The following ZFAND3 variants were observed in gnomAD, a reference collection of about 807,000 sequenced individuals.
ZFAND3 encodes the protein zinc finger AN1-type containing 3, also known as AN1-type zinc finger protein 3.
Under a neutral mutation model 29.6 loss-of-function variants are expected in ZFAND3, and 10 were observed. The observed-to-expected ratio is 0.34, with a 90% CI of 0.21 to 0.57. The LOEUF (loss-of-function observed/expected upper bound fraction) is 0.57. Ranked by LOEUF, ZFAND3 falls within the 20% of genes least tolerant of loss-of-function variation. ZFAND3 has a pLI of 0.86. For synonymous variants in ZFAND3, 128 were observed against 112.6 expected (o/e 1.14, Z -0.87); for missense variants, 230 against 304.5 (o/e 0.76, Z 1.82).
At chr6:37,967,763 A>G (rs1040260203) in intron 2 of ZFAND3, among the ~76,000 whole-genome samples, 2 of 152,204 alleles carry the variant, frequency 1.3e-5, no homozygotes, top group African/African-American at 4.8e-5. Flanking sequence ...CTTCTCTTGT[A>G]TGTTGCCAAC....
At chr6:37,965,182 A>G (rs1418770287) in intron 2 of ZFAND3, among the ~76,000 whole-genome samples, 1 of 152,194 alleles carries the variant, frequency 6.6e-6, no homozygotes, top group Non-Finnish European at 1.5e-5. Context: ...ATATTCAGCA[A>G]ACTTATTCTG....
intron 4 of ZFAND3, among the ~76,000 whole-genome samples, chr6:38,097,754 T>C (rs970811830): frequency 2.6e-5 from 4 of 152,160 alleles, no homozygotes; most frequent in Admixed American, 6.5e-5. Flanking sequence ...CCTGACAATC[T>C]TGAATGAAAT....
rs1365579380 is a variant in ZFAND3 at position 38,082,458 on chromosome 6, G to A, written c.361+1G>A. On this transcript the variant is annotated splice_donor_variant, in intron 4 of 5. Coordinates refer to ENST00000287218, the MANE Select transcript of ZFAND3 (RefSeq NM_021943.3). LOFTEE classifies it high-confidence loss of function. ...CCAACAAAAAGATCCTGTGGTACAG[G>A]TATGTACGTCATTCTTATGTGAATT... The A allele has an allele frequency of 3.1e-6, 5 of 1,610,798 alleles. No individual in the cohort carries two copies. The African/African-American group carries it at 6.7e-5, about 22-fold the overall frequency.
intron 2 of ZFAND3, among the ~76,000 whole-genome samples, chr6:38,047,104 G>T (rs1763918392): frequency 6.6e-6 from 1 of 152,026 alleles, no homozygotes; most frequent in Non-Finnish European, 1.5e-5. Context: ...ATCACTTGAG[G>T]TCAGGAGTTC....
intron 1 of ZFAND3, among the ~76,000 whole-genome samples, chr6:37,878,396 G>A (rs927992292): frequency 7.2e-5 from 11 of 152,226 alleles, no homozygotes; most frequent in African/African-American, 2.7e-4. Flanking sequence ...CTGCTGAGTA[G>A]AGGGTTGTGT....
At chr6:37,889,601 A>C (rs568995919) in intron 1 of ZFAND3, among the ~76,000 whole-genome samples, 1 of 152,318 alleles carries the variant, frequency 6.6e-6, no homozygotes, top group Admixed American at 6.5e-5. Flanking sequence ...AAGGCATACA[A>C]AGTTGATAAG....
Position 37,849,445 on chromosome 6 carries a change from A to G in ZFAND3, c.71+29429A>G, listed in dbSNP as rs369026625. On this transcript the variant is annotated intron_variant, in intron 1 of 5. Transcript: ENST00000287218. ...ATTTTTGAGACGGAGTTTTGCTTTT[A>G]TTGCCCAGGCTGGAGTGCAGTGGCG... Among the ~76,000 whole-genome samples the G allele has an allele frequency of 9.9e-5, 15 of 152,034 alleles. 1 individual carries two copies. The highest frequency in any genetic ancestry group is 5.9e-4 in the Admixed American group (9 of 15,264).
intron 2 of ZFAND3, among the ~76,000 whole-genome samples, chr6:38,044,341 T>C (rs1385842548): frequency 2.0e-5 from 3 of 152,174 alleles, no homozygotes; most frequent in African/African-American, 4.8e-5. Context: ...ATTGCTGGAT[T>C]TTAATTTGGT....
chr6:38,057,869 A>G (rs1341010458), intron 2 of ZFAND3, among the ~76,000 whole-genome samples: 1 of 152,198 alleles, frequency 6.6e-6, no homozygotes, highest in East Asian at 1.9e-4. Flanking sequence ...AGTAGAGAAT[A>G]TATAGAGCTT....
intron 4 of ZFAND3, among the ~76,000 whole-genome samples, chr6:38,106,035 A>G (rs1239184451): frequency 6.6e-6 from 1 of 152,200 alleles, no homozygotes; most frequent in Non-Finnish European, 1.5e-5. Flanking sequence ...CTGAAAACTC[A>G]TCAAACTGGC....
At chr6:38,086,890 G>T (rs375452472) in intron 4 of ZFAND3, among the ~76,000 whole-genome samples, 1 of 152,020 alleles carries the variant, frequency 6.6e-6, no homozygotes, top group South Asian at 2.1e-4. Flanking sequence ...CAAAGCTATC[G>T]TAAGCAAAAA....
At chr6:37,872,094 A>G (rs774637471) in intron 1 of ZFAND3, among the ~76,000 whole-genome samples, 7 of 152,142 alleles carry the variant, frequency 4.6e-5, no homozygotes, top group Non-Finnish European at 7.4e-5. Flanking sequence ...TTTCCACCTG[A>G]TAGAATCACT....
chr6:37,891,729 T>C (rs1765106643), intron 1 of ZFAND3, among the ~76,000 whole-genome samples: 1 of 152,208 alleles, frequency 6.6e-6, no homozygotes, highest in South Asian at 2.1e-4. Context: ...GTATACATTA[T>C]TCTTTTTTGT....
intron 4 of ZFAND3, among the ~76,000 whole-genome samples, chr6:38,103,769 T>G (rs1428566697): frequency 6.6e-6 from 1 of 152,186 alleles, no homozygotes; most frequent in Non-Finnish European, 1.5e-5. Context: ...GCATGTGGAC[T>G]TTGAGAAGTA....
At chr6:38,060,674 C>G (rs1417198502) in intron 2 of ZFAND3, among the ~76,000 whole-genome samples, 1 of 152,202 alleles carries the variant, frequency 6.6e-6, no homozygotes, top group African/African-American at 2.4e-5. Flanking sequence ...TCGTCTCAAA[C>G]TTCAGGCCTC....
At chr6:38,039,241 A>T (rs1763715127) in intron 2 of ZFAND3, among the ~76,000 whole-genome samples, 1 of 152,168 alleles carries the variant, frequency 6.6e-6, no homozygotes, top group Non-Finnish European at 1.5e-5. Flanking sequence ...ATCTTAAAGG[A>T]CCGTAAGTAT....
At chr6:38,048,034 T>C (rs928505950) in intron 2 of ZFAND3, among the ~76,000 whole-genome samples, 21 of 151,600 alleles carry the variant, frequency 1.4e-4, no homozygotes, top group Non-Finnish European at 1.3e-4. Context: ...CGACAGGGTC[T>C]CACTCTGTTG....
At chr6:37,825,751 A>T (rs1188892439) in intron 1 of ZFAND3, among the ~76,000 whole-genome samples, 1 of 152,236 alleles carries the variant, frequency 6.6e-6, no homozygotes, top group Non-Finnish European at 1.5e-5. Flanking sequence ...AATTAACATT[A>T]GTTTTCACAA....
At chr6:37,970,115 A>AAAAT (rs937540783) in intron 2 of ZFAND3, among the ~76,000 whole-genome samples, 5 of 152,096 alleles carry the variant, frequency 3.3e-5, no homozygotes, top group African/African-American at 9.7e-5. Context: ...GTGACAGAGC[A>AAAAT]AAATAAATAA....
Sources: gnomAD v4.1 joint callset for allele counts (sites outside exome capture counted in the v4.1 genomes callset) on GRCh38, gnomAD v4.1.1 for gene constraint, MANE v1.5 for transcripts, NCBI Gene and HGNC (gene_info 2026-07-23, HGNC 2026-07-21) for gene names.